The following MALRD1 variants were observed in gnomAD, a reference collection of about 807,000 sequenced individuals.
The protein encoded by MALRD1 is MAM and LDL-receptor class A domain-containing protein 1.
MALRD1 carries 247 observed loss-of-function variants against 242.1 expected under a neutral mutation model. The observed-to-expected ratio is 1.02, with a 90% CI of 0.92 to 1.13. MALRD1 has a LOEUF of 1.13. MALRD1 is among the 50% of genes most tolerant of loss of function. The pLI is 0.00. For synonymous variants in MALRD1, 995 were observed against 866.6 expected (o/e 1.15, Z -2.60); for missense variants, 2,989 against 2,533.1 (o/e 1.18, Z -3.86).
chr10:19,540,734 G>GA (rs530910286), intron 32 of MALRD1, among the ~76,000 whole-genome samples: 551 of 151,662 alleles, frequency 3.6e-3, no homozygotes, highest in African/African-American at 0.013. Flanking sequence ...AAGAGAAGTG[G>GA]AAAAAAAACC....
chr10:19,658,773 T>C (rs1367458080), intron 36 of MALRD1, among the ~76,000 whole-genome samples: 1 of 152,152 alleles, frequency 6.6e-6, no homozygotes, highest in Non-Finnish European at 1.5e-5. Context: ...TGACCTCCAA[T>C]TTCATACTAT....
At chr10:19,161,386 G>A (rs1407602136) in intron 12 of MALRD1, among the ~76,000 whole-genome samples, 1 of 121,018 alleles carries the variant, frequency 8.3e-6, no homozygotes, top group Non-Finnish European at 1.8e-5. Context: ...ATAGCATTGG[G>A]AGATATACCT....
intron 26 of MALRD1, among the ~76,000 whole-genome samples, chr10:19,378,697 T>C (rs568427589): frequency 6.6e-6 from 1 of 152,302 alleles, no homozygotes; most frequent in South Asian, 2.1e-4. Context: ...TGACGTACTG[T>C]CTTATGTGCA....
chr10:19,283,119 T>A lies in MALRD1; in HGVS notation c.3357T>A (p.Leu1119=). ...ATTCAAACACATTCAGGTGGGGGCT[T>A]GGGAACGGGATCAGCATTCATCATG... ...LQDSNTFRWG[L]GNGISIHHGE... The change falls in exon 21 of 40, where the codon CTT becomes CTA. Residue 1119 remains leucine, a synonymous_variant. Coordinates refer to ENST00000454679, the MANE Select transcript of MALRD1 (RefSeq NM_001142308.3). 6.5e-7 allele frequency: 1 copy of A among 1,549,656 alleles called. No individual in the cohort carries two copies. Among genetic ancestry groups the A allele is most frequent in the Non-Finnish European group, 8.7e-7 (1 of 1,146,398 alleles).
At chr10:19,668,809 A>T (rs1281886200) in intron 36 of MALRD1, among the ~76,000 whole-genome samples, 1 of 152,188 alleles carries the variant, frequency 6.6e-6, no homozygotes, top group East Asian at 1.9e-4. Flanking sequence ...AAATATGGAA[A>T]AAAAAGAAAA....
At chr10:19,461,105 A>G (rs1337643962) in intron 29 of MALRD1, among the ~76,000 whole-genome samples, 2 of 152,148 alleles carry the variant, frequency 1.3e-5, no homozygotes, top group South Asian at 2.1e-4. Context: ...AATCAAGACA[A>G]TGGAAGGAAA....
rs533426512 is a variant in MALRD1, at chr10:19,693,663, T to C, written c.6314+1109T>C. On this transcript the variant is annotated intron_variant, in intron 38 of 39. Transcript: ENST00000454679. ...TGGCCATGCTGCCCAAGGTAATTTA[T>C]AGATTCAATGCCATCCCCATCAAGC... 4.7e-4 allele frequency among the ~76,000 whole-genome samples: 72 copies of C among 152,270 alleles called. 1 individual carries two copies. The highest frequency in any genetic ancestry group is 7.1e-4 in the Non-Finnish European group (48 of 68,018).
chr10:19,134,068 A>G (rs1000688726), intron 9 of MALRD1, 120 bp downstream of exon 9: 3 of 411,076 alleles, frequency 7.3e-6, no homozygotes, highest in Non-Finnish European at 1.2e-5. Context: ...GCGTGCTTGT[A>G]TATTTGGGGA....
chr10:19,461,680 C>CAA (rs5783679), intron 29 of MALRD1, among the ~76,000 whole-genome samples: 2 of 151,690 alleles, frequency 1.3e-5, no homozygotes, highest in African/African-American at 4.9e-5. Context: ...CCCATCTCTA[C>CAA]AAAAAATTTT....
intron 36 of MALRD1, among the ~76,000 whole-genome samples, chr10:19,680,584 G>A (rs4576722): frequency 0.58 from 87,850 of 151,924 alleles, 25,566 homozygotes; most frequent in African/African-American, 0.65. Context: ...TCTTGACTCT[G>A]TATCCATCTT....
chr10:19,048,338 C>G (rs1834390682), upstream of MALRD1, among the ~76,000 whole-genome samples: 1 of 152,172 alleles, frequency 6.6e-6, no homozygotes, highest in Non-Finnish European at 1.5e-5. Context: ...TCAAGAAGCA[C>G]TTACTAGCAC....
chr10:19,483,752 C>A (rs1837119493), intron 29 of MALRD1, among the ~76,000 whole-genome samples: 1 of 152,054 alleles, frequency 6.6e-6, no homozygotes, highest in Admixed American at 6.6e-5. Context: ...TAACATTCAA[C>A]TCAGCAATCC....
At chr10:19,556,887 T>A (rs1835743310) in intron 32 of MALRD1, among the ~76,000 whole-genome samples, 1 of 152,058 alleles carries the variant, frequency 6.6e-6, no homozygotes, top group African/African-American at 2.4e-5. Context: ...GAAGATAACC[T>A]CCTCTGTTAT....
At chr10:19,294,209 C>T (rs779967775) in intron 21 of MALRD1, among the ~76,000 whole-genome samples, 29 of 152,156 alleles carry the variant, frequency 1.9e-4, no homozygotes, top group Middle Eastern at 3.4e-3. Flanking sequence ...CCTTTAACCA[C>T]ATTAAAAAGA....
Position 19,133,924 on chromosome 10 carries a change from A to C in MALRD1, c.1179A>C (p.Ile393=). The C allele has an allele frequency of 8.1e-7, 1 of 1,229,728 alleles. No individual in the cohort carries two copies. Among genetic ancestry groups the C allele is most frequent in the Non-Finnish European group, 1.0e-6 (1 of 986,262 alleles). 76.2% of individuals were successfully genotyped at this position (1,229,728 alleles called of 1,614,324 possible). ...HSQWVKADVL[I]PEDLKTFKII... The stretch of plus-strand genomic sequence containing the variant: ...AATGGGTGAAAGCAGATGTGTTAAT[A>C]CCAGAAGATCTGAAGACATTTAAGG... The change falls in exon 9 of 40, where the codon ATA becomes ATC. Residue 393 remains isoleucine (I), a synonymous_variant. Transcript: ENST00000454679.
At chr10:19,687,554 T>A (rs1842627478) in intron 36 of MALRD1, among the ~76,000 whole-genome samples, 1 of 152,206 alleles carries the variant, frequency 6.6e-6, no homozygotes, top group Non-Finnish European at 1.5e-5. Context: ...CCACTTTCCT[T>A]GTCCTATTTC....
chr10:19,295,753 A>G (rs1298037574), intron 21 of MALRD1, among the ~76,000 whole-genome samples: 6 of 152,176 alleles, frequency 3.9e-5, no homozygotes, highest in African/African-American at 1.2e-4. Context: ...CTGTAGCCCT[A>G]GTACCTAGCA....
chr10:19,379,431 T>C lies in MALRD1; in HGVS notation c.4442-8097T>C, dbSNP rs184987437. ...TTGTTTTGTTAAATGTAAGCACTTA[T>C]AGCTGTATGTTACCTGAACTGCTTT... On this transcript the variant is annotated intron_variant, in intron 26 of 39. Coordinates refer to ENST00000454679, the MANE Select transcript of MALRD1 (RefSeq NM_001142308.3). Among the ~76,000 whole-genome samples the C allele has an allele frequency of 6.6e-5, 10 of 152,288 alleles. 1 individual carries two copies. Among genetic ancestry groups the C allele is most frequent in the South Asian group, 2.1e-4 (1 of 4,826 alleles).
At chr10:19,535,187 GT>G (rs1834611019) in intron 32 of MALRD1, among the ~76,000 whole-genome samples, 1 of 151,822 alleles carries the variant, frequency 6.6e-6, no homozygotes, top group East Asian at 1.9e-4. Context: ...CCCGACCAAA[GT>G]TTTTTTTTAT....
Sources: gnomAD v4.1 joint callset for allele counts (sites outside exome capture counted in the v4.1 genomes callset) on GRCh38, gnomAD v4.1.1 for gene constraint, MANE v1.5 for transcripts, NCBI Gene and HGNC (gene_info 2026-07-23, HGNC 2026-07-21) for gene names.